Variants in SPAG16 observed in about 807,000 individuals in gnomAD.
SPAG16 encodes sperm-associated antigen 16 protein.
A neutral mutation model predicts 80.4 loss-of-function variants in SPAG16; 86 were observed. The observed-to-expected ratio is 1.07, with a 90% confidence interval of 0.90 to 1.28. The LOEUF (loss-of-function observed/expected upper bound fraction) is 1.28, where lower values mean the gene tolerates loss of function less well. Among genes scored for constraint, SPAG16 ranks in the 50% most tolerant of loss-of-function variants. SPAG16 has a pLI of 0.00. For synonymous variants in SPAG16, 294 were observed against 265.9 expected (o/e 1.11, Z -1.03); for missense variants, 870 against 765.3 (o/e 1.14, Z -1.61).
intron 15 of SPAG16, among the ~76,000 whole-genome samples, chr2:214,381,917 T>C (rs946543008): frequency 6.6e-6 from 1 of 152,248 alleles, no homozygotes. Context: ...AGCTTTGCTT[T>C]GAAAACCAGG....
chr2:214,296,959 A>T (rs1377781258), intron 15 of SPAG16, among the ~76,000 whole-genome samples: 1 of 152,198 alleles, frequency 6.6e-6, no homozygotes, highest in Admixed American at 6.5e-5. Flanking sequence ...ACCATGTGGC[A>T]TGCTGGCTCC....
chr2:214,016,252 G>T (rs933976568), intron 13 of SPAG16, among the ~76,000 whole-genome samples: 1 of 152,164 alleles, frequency 6.6e-6, no homozygotes, highest in African/African-American at 2.4e-5. Context: ...TACCTGTGGA[G>T]GCCTCACAGC....
intron 10 of SPAG16, among the ~76,000 whole-genome samples, chr2:213,689,128 G>A (rs1428230118): frequency 6.6e-6 from 1 of 151,966 alleles, no homozygotes; most frequent in African/African-American, 2.4e-5. Context: ...CCTGGTTAGT[G>A]TTTGTATTTT....
chr2:213,734,450 T>C (rs1425580271), intron 10 of SPAG16, among the ~76,000 whole-genome samples: 3 of 152,232 alleles, frequency 2.0e-5, no homozygotes, highest in Non-Finnish European at 4.4e-5. Context: ...TATTTTTCCT[T>C]CTTCCAAAAT....
intron 10 of SPAG16, among the ~76,000 whole-genome samples, chr2:213,637,366 A>G (rs1036538425): frequency 6.6e-6 from 1 of 152,140 alleles, no homozygotes; most frequent in African/African-American, 2.4e-5. Context: ...GGATTTTTGC[A>G]TCTATGTTTA....
intron 15 of SPAG16, among the ~76,000 whole-genome samples, chr2:214,203,029 A>T (rs6435818): frequency 6.6e-6 from 1 of 152,212 alleles, no homozygotes; most frequent in East Asian, 1.9e-4. Context: ...AGAATACCAA[A>T]ACAGGTTTTA....
intron 6 of SPAG16, among the ~76,000 whole-genome samples, chr2:213,348,755 T>C (rs1315954680): frequency 2.0e-5 from 3 of 152,260 alleles, no homozygotes; most frequent in Non-Finnish European, 4.4e-5. Context: ...CAGCTGTTAG[T>C]CTGATGGGCT....
intron 11 of SPAG16, among the ~76,000 whole-genome samples, chr2:213,904,192 G>A (rs894587832): frequency 6.6e-6 from 1 of 152,214 alleles, no homozygotes; most frequent in Admixed American, 6.5e-5. Context: ...TACCTTGTCA[G>A]CAACGTCCCA....
At chr2:214,121,593 T>C (rs1197616812) in intron 14 of SPAG16, among the ~76,000 whole-genome samples, 1 of 151,842 alleles carries the variant, frequency 6.6e-6, no homozygotes, top group Non-Finnish European at 1.5e-5. Flanking sequence ...GTGTTTTAAA[T>C]AGTGCTTAGT....
At chr2:213,441,451 C>G (rs779150494) in intron 9 of SPAG16, among the ~76,000 whole-genome samples, 1 of 152,124 alleles carries the variant, frequency 6.6e-6, no homozygotes, top group African/African-American at 2.4e-5. Flanking sequence ...TCTATGGTTT[C>G]GTATTTAGGA....
intron 15 of SPAG16, among the ~76,000 whole-genome samples, chr2:214,298,843 A>G (rs1694338722): frequency 6.6e-6 from 1 of 152,146 alleles, no homozygotes; most frequent in African/African-American, 2.4e-5. Flanking sequence ...TTTTCTTGGC[A>G]AGGGGCATAG....
intron 10 of SPAG16, among the ~76,000 whole-genome samples, chr2:213,855,644 AC>A (rs2075120729): frequency 6.6e-6 from 1 of 152,134 alleles, no homozygotes; most frequent in South Asian, 2.1e-4. Flanking sequence ...GGCTGGGGAG[AC>A]CGCAGGAAAT....
chr2:214,149,817 TATCA>T (rs1271453615), intron 15 of SPAG16, among the ~76,000 whole-genome samples: 2 of 152,096 alleles, frequency 1.3e-5, no homozygotes, highest in African/African-American at 2.4e-5. Context: ...ATATAAGTAT[TATCA>T]ATTAGATAAA....
chr2:214,400,611 A>G (rs966907724), intron 15 of SPAG16, among the ~76,000 whole-genome samples: 3 of 151,998 alleles, frequency 2.0e-5, no homozygotes, highest in African/African-American at 4.8e-5. Context: ...ATAGATACAG[A>G]GGAGCAACTT....
intron 9 of SPAG16, chr2:213,396,455 T>C (rs2068038015): frequency 4.9e-6 from 1 of 203,218 alleles, no homozygotes; most frequent in Non-Finnish European, 1.0e-5. Context: ...GTTTTGCTCT[T>C]GTATATGATA....
At chr2:213,390,027 C>A (rs938655581) in intron 9 of SPAG16, among the ~76,000 whole-genome samples, 4 of 152,120 alleles carry the variant, frequency 2.6e-5, no homozygotes, top group Non-Finnish European at 5.9e-5. Flanking sequence ...GTGGTATATA[C>A]ATACAATGGA....
At position 213,320,167 on chromosome 2, in the gene SPAG16, G is replaced by C. The variant is rs553647444; in HGVS notation, c.536+2811G>C. ...GCCTGGTTCTACTGATACATTCTTA[G>C]AAAATGTAGAATGAAGTTTTGTTTC... On this transcript the variant is annotated intron_variant, in intron 5 of 15. Coordinates refer to ENST00000331683, the MANE Select transcript of SPAG16 (RefSeq NM_024532.5). Among the ~76,000 whole-genome samples the C allele has an allele frequency of 2.6e-5, 4 of 152,018 alleles. No individual in the cohort carries two copies. The South Asian group carries it at 8.3e-4, about 31-fold the overall frequency.
At chr2:214,256,246 T>C (rs1690674580) in intron 15 of SPAG16, among the ~76,000 whole-genome samples, 1 of 152,054 alleles carries the variant, frequency 6.6e-6, no homozygotes, top group East Asian at 1.9e-4. Flanking sequence ...TCATACACCT[T>C]TTTTAATGAT....
At chr2:213,463,841 G>A (rs904098236) in intron 9 of SPAG16, among the ~76,000 whole-genome samples, 4 of 152,238 alleles carry the variant, frequency 2.6e-5, no homozygotes, top group African/African-American at 9.6e-5. Flanking sequence ...AGTTCAGCAA[G>A]TGCGAGGGAG....
Sources: allele counts gnomAD v4.1 joint callset (sites outside exome capture counted in the v4.1 genomes callset), GRCh38; gene constraint gnomAD v4.1.1; transcripts MANE v1.5; gene names NCBI Gene and HGNC (gene_info 2026-07-23, HGNC 2026-07-21).